Variants in APPL1 observed in about 807,000 individuals in gnomAD.
APPL1 encodes DCC-interacting protein 13-alpha.
Under a neutral mutation model 106.8 loss-of-function variants are expected in APPL1, and 42 were observed. The ratio of observed to expected loss-of-function variants is 0.39; its 90% CI spans 0.31 to 0.51. The LOEUF is 0.51. Among genes scored for constraint, APPL1 ranks in the 20% least tolerant of loss-of-function variants. The pLI, the probability that APPL1 is intolerant of heterozygous loss-of-function variation, is 0.75. For missense variants in APPL1, 769 were observed against 858.2 expected (o/e 0.90, Z 1.30); for synonymous variants, 263 against 281.8 (o/e 0.93, Z 0.67).
At chr3:57,235,046 A>G (rs1473888302) in intron 1 of APPL1, among the ~76,000 whole-genome samples, 2 of 152,186 alleles carry the variant, frequency 1.3e-5, no homozygotes, top group Admixed American at 1.3e-4. Context: ...AGAAGAAGAA[A>G]GGAAAACCCC....
chr3:57,237,552 G>T lies in APPL1; in HGVS notation c.213+1G>T. 4.4e-6 allele frequency: 7 copies of T among 1,584,370 alleles called. No individual in the cohort carries two copies. Among genetic ancestry groups the T allele is most frequent in the Non-Finnish European group, 6.0e-6 (7 of 1,161,264 alleles). On this transcript the variant is annotated splice_donor_variant, in intron 3 of 21. Transcript: ENST00000288266. LOFTEE classifies it high-confidence loss of function. ...ACTTTTAAAAGAATATGAAAAACAGGTATTGTATATCAAAGTTTTAAAAGC... is the reference window on the plus strand; with the variant it reads ...ACTTTTAAAAGAATATGAAAAACAGTTATTGTATATCAAAGTTTTAAAAGC...
chr3:57,243,678 C>T (rs891326113), intron 7 of APPL1, among the ~76,000 whole-genome samples: 2 of 152,106 alleles, frequency 1.3e-5, no homozygotes, highest in African/African-American at 2.4e-5. Flanking sequence ...ATTTCCTTTT[C>T]GTTTCTAATT....
Position 57,249,488 on chromosome 3 carries a change from T to C in APPL1, c.992T>C (p.Met331Thr). The change falls in exon 11 of 22, where the codon ATG becomes ACG. Residue 331 changes from methionine to threonine, a missense_variant. By Grantham distance (81) the Met-to-Thr change is moderately conservative. Coordinates refer to ENST00000288266, the MANE Select transcript of APPL1 (RefSeq NM_012096.3). ...ATGGACATAGACAACTGTTCAGTGA[T>C]GGCTGTGGACTGTGAAGACAGACGA... ...LAMDIDNCSV[M>T]AVDCEDRRYC... 1.2e-6 allele frequency: 2 copies of C among 1,614,048 alleles called. No homozygotes were observed. Among genetic ancestry groups the C allele is most frequent in the South Asian group, 1.1e-5 (1 of 91,034 alleles).
At chr3:57,268,342 TA>T in intron 20 of APPL1, 55 bp from the exon 21 acceptor site, 1 of 1,441,718 alleles carries the variant, frequency 6.9e-7, no homozygotes, top group Admixed American at 2.2e-5. Flanking sequence ...CTGAAATGTC[TA>T]AAATTTAAAG....
rs774044324 is a variant in APPL1 at position 57,235,553 on chromosome 3, T to C, written c.55-13T>C. The C allele has an allele frequency of 3.3e-6, 5 of 1,530,756 alleles. No individual in the cohort carries two copies. The South Asian group carries it at 5.9e-5, about 18-fold the overall frequency. 94.8% of individuals were successfully genotyped at this position (1,530,756 alleles called of 1,614,324 possible). ...AATGATTAACATAAACTTATTGCTA[T>C]TGTTTTATACAGACAAGGTCTTTAC... On this transcript the variant is annotated splice_polypyrimidine_tract_variant and intron_variant, in intron 1 of 21. Transcript: ENST00000288266.
intron 19 of APPL1, among the ~76,000 whole-genome samples, chr3:57,262,149 G>T (rs140469608): frequency 2.4e-3 from 364 of 151,996 alleles, no homozygotes; most frequent in Middle Eastern, 0.01. Flanking sequence ...GTATATTCTG[G>T]ATATTAGTCC....
At chr3:57,245,463 T>G (rs775762732) in intron 7 of APPL1, among the ~76,000 whole-genome samples, 2 of 152,118 alleles carry the variant, frequency 1.3e-5, no homozygotes, top group Non-Finnish European at 1.5e-5. Context: ...CTGCCATTCC[T>G]CCTTGTCGTA....
intron 1 of APPL1, among the ~76,000 whole-genome samples, chr3:57,233,120 A>T (rs1465253377): frequency 1.3e-5 from 2 of 152,260 alleles, no homozygotes; most frequent in Non-Finnish European, 2.9e-5. Context: ...TGAGAGCTGT[A>T]TATGATAAAA....
At chr3:57,255,178 GT>G (rs2060828331) in intron 13 of APPL1, among the ~76,000 whole-genome samples, 1 of 152,174 alleles carries the variant, frequency 6.6e-6, no homozygotes, top group South Asian at 2.1e-4. Context: ...AGTCAAGTAG[GT>G]ACTGCAGTAT....
At chr3:57,260,343 G>T (rs1579399843) in intron 18 of APPL1, 190 bp downstream of exon 18, 1 of 609,810 alleles carries the variant, frequency 1.6e-6, no homozygotes, top group Admixed American at 3.7e-5. Flanking sequence ...TAACTTAAAA[G>T]AATTAACACA....
At chr3:57,250,795 ACTTT>A (rs1216211237) in intron 11 of APPL1, among the ~76,000 whole-genome samples, 2 of 143,372 alleles carry the variant, frequency 1.4e-5, no homozygotes, top group African/African-American at 2.6e-5. Context: ...TGACCTTTGA[ACTTT>A]CTTTCTTTTT....
Position 57,247,475 on chromosome 3 carries a change from GAAGT to G in APPL1, c.704+4_704+7del. 4 of 1,582,066 alleles carry G rather than the reference GAAGT, an allele frequency of 2.5e-6. No homozygotes were observed. Among genetic ancestry groups the G allele is most frequent in the African/African-American group, 1.3e-5 (1 of 74,138 alleles). On this transcript the variant is annotated splice_donor_variant and coding_sequence_variant, in exon 9 of 22. Coordinates refer to ENST00000288266, the MANE Select transcript of APPL1 (RefSeq NM_012096.3). LOFTEE classifies it high-confidence loss of function. ...TAGCTAATATTGGAACAAGCGTTCA[GAAGT>G]AAGTATTTTTTTCCTTAAAATTGAA...
At chr3:57,248,607 C>T (rs1211166425) in intron 10 of APPL1, among the ~76,000 whole-genome samples, 2 of 152,178 alleles carry the variant, frequency 1.3e-5, no homozygotes, top group African/African-American at 2.4e-5. Context: ...TGGTGGCTCA[C>T]GCCTGTGATC....
chr3:57,229,328 T>G (rs2060672406), intron 1 of APPL1, among the ~76,000 whole-genome samples: 1 of 150,874 alleles, frequency 6.6e-6, no homozygotes, highest in Admixed American at 6.6e-5. Context: ...TTACTTGGCT[T>G]TTTTTTTTAA....
At position 57,227,774 on chromosome 3, in the gene APPL1, C is replaced by T; in HGVS notation, c.-110C>T. ...GAGAAGGCTGTGCGGGCGGGGACGG[C>T]TGCAGCCCTTGCCGGAGAGGGCGGG... On this transcript the variant is annotated 5_prime_UTR_variant, in exon 1 of 22. Coordinates refer to ENST00000288266, the MANE Select transcript of APPL1 (RefSeq NM_012096.3). 3.1e-6 allele frequency: 3 copies of T among 966,854 alleles called. No homozygotes were observed. The highest frequency in any genetic ancestry group is 2.4e-5 in the South Asian group (1 of 41,494). The allele number at this position is 966,854 out of a possible 1,614,324, so 59.9% of individuals were successfully genotyped here.
intron 13 of APPL1, 152 bp downstream of exon 13, chr3:57,253,890 T>A: frequency 1.6e-6 from 1 of 632,566 alleles, no homozygotes. Flanking sequence ...TGAGACAGAG[T>A]CTCGCCCCAT....
chr3:57,252,373 CAT>C (rs1239407967), intron 12 of APPL1, 62 bp downstream of exon 12: 85 of 1,245,844 alleles, frequency 6.8e-5, no homozygotes, highest in Non-Finnish European at 9.2e-5. Context: ...GATGACAAAA[CAT>C]ATATTAATGT....
chr3:57,269,856 C>T lies in APPL1; in HGVS notation c.*169C>T. ...GATTGAACTTGATGACTTAGGTTTG[C>T]ATTGATCTTTTTTCCCCCTTAAACA... On this transcript the variant is annotated 3_prime_UTR_variant, in exon 22 of 22. Transcript: ENST00000288266. 1 of 754,220 alleles carries T rather than the reference C, an allele frequency of 1.3e-6. No individual in the cohort carries two copies. The highest frequency in any genetic ancestry group is 2.3e-5 in the South Asian group (1 of 43,260). The allele number at this position is 754,220 out of a possible 1,614,324, so 46.7% of individuals were successfully genotyped here.
intron 12 of APPL1, among the ~76,000 whole-genome samples, chr3:57,253,109 C>T (rs2060813872): frequency 6.6e-6 from 1 of 152,074 alleles, no homozygotes; most frequent in Non-Finnish European, 1.5e-5. Context: ...GCTCTTTGGG[C>T]ACTTGAATCC....
Sources: allele counts gnomAD v4.1 joint callset (sites outside exome capture counted in the v4.1 genomes callset), GRCh38; gene constraint gnomAD v4.1.1; transcripts MANE v1.5; gene names NCBI Gene and HGNC (gene_info 2026-07-23, HGNC 2026-07-21).